MYO1E: variants seen among roughly 807,000 people sequenced by gnomAD.
MYO1E encodes unconventional myosin-Ie.
Under a neutral mutation model 151.1 loss-of-function variants are expected in MYO1E, and 68 were observed. That is an observed-to-expected ratio of 0.45 (90% CI 0.37 to 0.55). The LOEUF (loss-of-function observed/expected upper bound fraction) is 0.55. Ranked by LOEUF, MYO1E falls within the 20% of genes least tolerant of loss-of-function variation. MYO1E has a pLI of 0.00. For synonymous variants in MYO1E, 601 were observed against 501.7 expected, an observed-to-expected ratio of 1.20 and a Z score of -2.64; for missense variants, 1,363 against 1,389.3, an observed-to-expected ratio of 0.98 and a Z score of 0.30.
chr15:59,162,905 G>A (rs763353933), intron 23 of MYO1E, among the ~76,000 whole-genome samples: 1 of 152,026 alleles, frequency 6.6e-6, no homozygotes, highest in African/African-American at 2.4e-5. Flanking sequence ...CCTCATTCAG[G>A]TGATTTTTGT....
At chr15:59,154,684 C>G (rs2079500212) in intron 25 of MYO1E, among the ~76,000 whole-genome samples, 1 of 152,156 alleles carries the variant, frequency 6.6e-6, no homozygotes, top group African/African-American at 2.4e-5. Context: ...CTGGCTCTGC[C>G]TCTGAGAGCT....
At chr15:59,317,965 C>G (rs1443677365) in intron 1 of MYO1E, among the ~76,000 whole-genome samples, 4 of 152,076 alleles carry the variant, frequency 2.6e-5, no homozygotes, top group African/African-American at 7.3e-5. Context: ...TTCAAGGTAG[C>G]TAGTAAGTCA....
At chr15:59,242,986 A>C (rs2080109028) in intron 4 of MYO1E, among the ~76,000 whole-genome samples, 1 of 152,194 alleles carries the variant, frequency 6.6e-6, no homozygotes, top group African/African-American at 2.4e-5. Context: ...GAGAAGCAGG[A>C]AGATGCATGT....
chr15:59,226,481 T>C (rs2079992270), intron 7 of MYO1E, among the ~76,000 whole-genome samples: 1 of 152,240 alleles, frequency 6.6e-6, no homozygotes, highest in South Asian at 2.1e-4. Context: ...CATCATTATA[T>C]TTTTTAAGTA....
At chr15:59,354,649 T>C (rs1227427759) in intron 1 of MYO1E, among the ~76,000 whole-genome samples, 1 of 152,186 alleles carries the variant, frequency 6.6e-6, no homozygotes, top group African/African-American at 2.4e-5. Context: ...GCAATGGCTC[T>C]TTGTTCGGAG....
At chr15:59,275,445 T>A (rs1380810519) in intron 1 of MYO1E, among the ~76,000 whole-genome samples, 1 of 152,076 alleles carries the variant, frequency 6.6e-6, no homozygotes, top group Non-Finnish European at 1.5e-5. Context: ...TGTCTCTCCC[T>A]CCCTCTGCCA....
Position 59,133,604 on chromosome 15 carries a change from G to A in MYO1E, c.*3776C>T, listed in dbSNP as rs2079356210. The A allele has an allele frequency of 6.6e-6, 1 of 152,170 alleles. No homozygotes were observed. The highest frequency in any genetic ancestry group is 1.5e-5 in the Non-Finnish European group (1 of 68,046). The allele number at this position is 152,170 out of a possible 1,614,324, so 9.4% of individuals were successfully genotyped here. A position where few individuals can be genotyped will look rare whatever the true frequency, so the allele number is the denominator to read the frequency against. On this transcript the variant is annotated 3_prime_UTR_variant, in exon 28 of 28. Transcript: ENST00000288235. The stretch of plus-strand genomic sequence containing the variant: ...AACTGCAATCAATCAGCTAGGCCTT[G>A]GGAGAAAAGCAAAACAGGGAAAGAG...
At chr15:59,279,110 G>A (rs1233596861) in intron 1 of MYO1E, among the ~76,000 whole-genome samples, 8 of 152,076 alleles carry the variant, frequency 5.3e-5, no homozygotes, top group African/African-American at 1.7e-4. Context: ...TCACATACAC[G>A]TGGTCTCCTT....
chr15:59,294,691 T>A (rs748616496), intron 1 of MYO1E, among the ~76,000 whole-genome samples: 1 of 152,076 alleles, frequency 6.6e-6, no homozygotes, highest in Non-Finnish European at 1.5e-5. Flanking sequence ...ACAGCCAGGG[T>A]TTCTCTTGCC....
chr15:59,226,222 T>G (rs771053586), intron 7 of MYO1E, among the ~76,000 whole-genome samples: 2 of 152,230 alleles, frequency 1.3e-5, no homozygotes, highest in Non-Finnish European at 2.9e-5. Flanking sequence ...ATATACTTTT[T>G]CAACCAACAG....
At chr15:59,351,376 G>A (rs1156683886) in intron 1 of MYO1E, among the ~76,000 whole-genome samples, 1 of 152,182 alleles carries the variant, frequency 6.6e-6, no homozygotes, top group Non-Finnish European at 1.5e-5. Context: ...CAAGCACTGT[G>A]CTAGGAGCTA....
At chr15:59,273,314 C>T (rs557948221) in intron 1 of MYO1E, among the ~76,000 whole-genome samples, 4 of 152,272 alleles carry the variant, frequency 2.6e-5, no homozygotes, top group African/African-American at 7.2e-5. Context: ...TGTTCAGCTA[C>T]GTGACAAGTT....
intron 17 of MYO1E, among the ~76,000 whole-genome samples, chr15:59,194,957 C>T (rs1344473052): frequency 2.0e-5 from 3 of 151,590 alleles, no homozygotes; most frequent in African/African-American, 7.3e-5. Context: ...TTCTTCTCAT[C>T]AATACGGTGC....
At chr15:59,357,232 A>G (rs1185494128) in intron 1 of MYO1E, among the ~76,000 whole-genome samples, 1 of 151,808 alleles carries the variant, frequency 6.6e-6, no homozygotes, top group African/African-American at 2.4e-5. Flanking sequence ...AAATAGTATC[A>G]TATACTCAAG....
chr15:59,280,226 T>C (rs1321810517), intron 1 of MYO1E, among the ~76,000 whole-genome samples: 1 of 152,262 alleles, frequency 6.6e-6, no homozygotes, highest in Non-Finnish European at 1.5e-5. Flanking sequence ...TCATTTTCTA[T>C]ATCAATGAAC....
At chr15:59,311,687 C>T (rs148124244) in intron 1 of MYO1E, among the ~76,000 whole-genome samples, 269 of 152,280 alleles carry the variant, frequency 1.8e-3, no homozygotes, top group African/African-American at 5.9e-3. Flanking sequence ...AACGTGTCTT[C>T]CAAAGTTCAT....
At chr15:59,363,721 C>A (rs544089183) in intron 1 of MYO1E, among the ~76,000 whole-genome samples, 1 of 152,194 alleles carries the variant, frequency 6.6e-6, no homozygotes, top group East Asian at 1.9e-4. Context: ...ATATGGAAGC[C>A]TTTTGTTATC....
intron 1 of MYO1E, among the ~76,000 whole-genome samples, chr15:59,287,524 G>A (rs548565567): frequency 1.3e-5 from 2 of 152,332 alleles, no homozygotes; most frequent in South Asian, 4.1e-4. Context: ...CAAATAGGTA[G>A]ATTCTGCCTT....
At chr15:59,224,274 A>G (rs3794491) in intron 8 of MYO1E, among the ~76,000 whole-genome samples, 61,239 of 109,842 alleles carry the variant, frequency 0.56, 12,942 homozygotes, top group East Asian at 0.72. Context: ...CTTCAAAACC[A>G]GAAAAGAAAT....
Sources: gnomAD v4.1 joint callset for allele counts (sites outside exome capture counted in the v4.1 genomes callset) on GRCh38, gnomAD v4.1.1 for gene constraint, MANE v1.5 for transcripts, NCBI Gene and HGNC (gene_info 2026-07-23, HGNC 2026-07-21) for gene names.